CFAP54: variants seen among roughly 807,000 people sequenced by gnomAD.
CFAP54 encodes the protein cilia- and flagella-associated protein 54.
In CFAP54, 290 loss-of-function variants were observed where a neutral mutation model predicts 370.4. The observed-to-expected ratio is 0.78, with a 90% CI of 0.71 to 0.86. The LOEUF is 0.86. CFAP54 is among the 40% of genes least tolerant of loss of function. The pLI is 0.00. For missense variants in CFAP54, 3,399 were observed against 3,528.7 expected (o/e 0.96, Z 0.93); for synonymous variants, 1,206 against 1,236.5 (o/e 0.98, Z 0.52).
chr12:96,693,938 C>G, intron 45 of CFAP54, 130 bp downstream of exon 45: 1 of 519,786 alleles, frequency 1.9e-6, no homozygotes, highest in Non-Finnish European at 3.3e-6. Context: ...TAAGAAATAA[C>G]TTACCCATTA....
At chr12:96,623,283 A>T (rs1592890695) in intron 27 of CFAP54, among the ~76,000 whole-genome samples, 2 of 152,234 alleles carry the variant, frequency 1.3e-5, no homozygotes, top group Non-Finnish European at 2.9e-5. Flanking sequence ...AGACAGGCTG[A>T]TTCTTAATCC....
At chr12:96,657,282 T>G (rs1956932024) in intron 36 of CFAP54, among the ~76,000 whole-genome samples, 1 of 152,142 alleles carries the variant, frequency 6.6e-6, no homozygotes, top group South Asian at 2.1e-4. Context: ...AGTAACTCTT[T>G]AGGCAAAAAG....
chr12:96,503,167 A>G (rs753621175), intron 2 of CFAP54, among the ~76,000 whole-genome samples: 2 of 86,246 alleles, frequency 2.3e-5, no homozygotes, highest in African/African-American at 4.5e-5. Flanking sequence ...CCCTCCCTTT[A>G]TTTTTTCCTT....
At chr12:96,825,262 T>C (rs1226618085) in intron 65 of CFAP54, among the ~76,000 whole-genome samples, 3 of 106,180 alleles carry the variant, frequency 2.8e-5, no homozygotes, top group Non-Finnish European at 5.5e-5. Context: ...ATATATTATA[T>C]ATAATATAAC....
intron 32 of CFAP54, among the ~76,000 whole-genome samples, chr12:96,639,089 A>T (rs182623060): frequency 9.8e-5 from 15 of 152,294 alleles, no homozygotes; most frequent in African/African-American, 3.1e-4. Flanking sequence ...ATTTCCCTCT[A>T]CACACTGCTT....
chr12:96,804,762 A>G (rs1337175963), intron 63 of CFAP54, among the ~76,000 whole-genome samples: 1 of 152,120 alleles, frequency 6.6e-6, no homozygotes, highest in African/African-American at 2.4e-5. Context: ...CATATGGAAC[A>G]AAAAAACAGC....
chr12:96,845,938 A>G, intron 66 of CFAP54, among the ~76,000 whole-genome samples: 1 of 152,206 alleles, frequency 6.6e-6, no homozygotes, highest in East Asian at 1.9e-4. Flanking sequence ...TTAGGATTAA[A>G]AATACATTAT....
At chr12:96,769,371 A>G (rs1253742772) in intron 60 of CFAP54, among the ~76,000 whole-genome samples, 1 of 152,234 alleles carries the variant, frequency 6.6e-6, no homozygotes, top group Non-Finnish European at 1.5e-5. Flanking sequence ...AAGTGATGTC[A>G]GTGAATGTTA....
At chr12:96,720,713 C>A in intron 50 of CFAP54, 148 bp downstream of exon 50, 1 of 663,472 alleles carries the variant, frequency 1.5e-6, no homozygotes, top group Non-Finnish European at 2.1e-6. Context: ...AGTTTTCATA[C>A]ATGATTTCAC....
chr12:96,625,276 A>G (rs1037834593), intron 28 of CFAP54, among the ~76,000 whole-genome samples: 1 of 152,228 alleles, frequency 6.6e-6, no homozygotes. Context: ...TAACTTTCCA[A>G]GGTTTCATAA....
chr12:96,848,296 A>C (rs1432289426), intron 66 of CFAP54, among the ~76,000 whole-genome samples: 2 of 151,902 alleles, frequency 1.3e-5, no homozygotes, highest in African/African-American at 4.8e-5. Context: ...ACTGGTCTTG[A>C]ACTCCTTACC....
At chr12:96,552,006 G>A (rs1955699960) in intron 15 of CFAP54, among the ~76,000 whole-genome samples, 1 of 152,116 alleles carries the variant, frequency 6.6e-6, no homozygotes, top group African/African-American at 2.4e-5. Context: ...CAGCACTTTT[G>A]GAGGCCAAGG....
At chr12:96,586,813 C>T (rs1196444631) in intron 22 of CFAP54, among the ~76,000 whole-genome samples, 4 of 152,074 alleles carry the variant, frequency 2.6e-5, no homozygotes, top group Non-Finnish European at 4.4e-5. Context: ...TATGATGTAA[C>T]GTGACTCCTG....
In CFAP54 at chr12:96,522,184, C is replaced by A; in HGVS notation, c.1153C>A (p.Gln385Lys). Residue 385 changes from glutamine (Q) to lysine (K), a missense_variant, in exon 8 of 68, where the codon CAA becomes AAA. Gln to Lys is a moderately conservative substitution (Grantham distance 53, BLOSUM62 1). Coordinates refer to ENST00000524981, the MANE Select transcript of CFAP54 (RefSeq NM_001306084.2). ...PKIRINLREV[Q>K]TLSWPRTVTE... ...GATAAGAATTAACCTAAGGGAAGTA[C>A]AAACTGTAAGTCTAAACATGTCTTC... 6.6e-7 allele frequency: 1 copy of A among 1,522,586 alleles called. No homozygotes were observed. The highest frequency in any genetic ancestry group is 8.8e-7 in the Non-Finnish European group (1 of 1,137,272). 94.3% of individuals were successfully genotyped at this position (1,522,586 alleles called of 1,614,324 possible).
chr12:96,520,810 C>G (rs770747058), intron 6 of CFAP54, among the ~76,000 whole-genome samples: 9 of 152,206 alleles, frequency 5.9e-5, no homozygotes, highest in Non-Finnish European at 1.3e-4. Context: ...GTGCACATGC[C>G]TATTCATATC....
In CFAP54 at chr12:96,647,949, T is replaced by A; in HGVS notation, c.4622T>A (p.Val1541Glu). 6.6e-7 allele frequency: 1 copy of A among 1,523,620 alleles called. No homozygotes were observed. The highest frequency in any genetic ancestry group is 8.7e-7 in the Non-Finnish European group (1 of 1,143,118). 94.4% of individuals were successfully genotyped at this position (1,523,620 alleles called of 1,614,324 possible). Residue 1541 changes from valine (V) to glutamate (E), a missense_variant, in exon 34 of 68, where the codon GTA (valine) becomes GAA (glutamate). This residue lies in a region of CFAP54 where 2,796 missense variants were observed against 2,869.7 expected (regional missense o/e 0.97). Transcript: ENST00000524981. The part of the protein sequence containing the change: ...GTVLPTRKLT[V>E]ENYKAMLDFL... ...GTATTACCAACAAGAAAATTGACTG[T>A]AGAAAATTATAAAGCAATGCTTGAT...
At chr12:96,508,249 G>C (rs2136355025) in intron 4 of CFAP54, among the ~76,000 whole-genome samples, 1 of 146,750 alleles carries the variant, frequency 6.8e-6, no homozygotes. Flanking sequence ...TTCTGCATCA[G>C]CCTTCCAAAG....
chr12:96,739,870 T>C, intron 50 of CFAP54, 86 bp from the exon 51 acceptor site: 1 of 829,136 alleles, frequency 1.2e-6, no homozygotes, highest in Non-Finnish European at 1.8e-6. Context: ...TGTGAGAATG[T>C]TTTTTGGAGA....
chr12:96,565,771 T>A (rs1955860298), intron 19 of CFAP54, among the ~76,000 whole-genome samples: 1 of 152,132 alleles, frequency 6.6e-6, no homozygotes, highest in Non-Finnish European at 1.5e-5. Flanking sequence ...CAGACAGATG[T>A]AGATAAGAAA....
Sources: gnomAD v4.1 joint callset for allele counts (sites outside exome capture counted in the v4.1 genomes callset) on GRCh38, gnomAD v4.1.1 for gene constraint, gnomAD v4.1.1 regional missense constraint, MANE v1.5 for transcripts, NCBI Gene and HGNC (gene_info 2026-07-23, HGNC 2026-07-21) for gene names.